Variants in SGSM2 observed in about 807,000 individuals in gnomAD.
SGSM2 encodes small G protein signaling modulator 2, also known as RUN and TBC1 domain containing 1.
SGSM2 carries 89 observed loss-of-function variants against 126.6 expected under a neutral mutation model. The ratio of observed to expected loss-of-function variants is 0.70; its 90% CI spans 0.59 to 0.84. The LOEUF is 0.84. Among genes scored for constraint, SGSM2 ranks in the 40% least tolerant of loss-of-function variants. SGSM2 has a pLI of 0.00. For missense variants in SGSM2, 1,404 were observed against 1,416.6 expected (o/e 0.99, Z 0.14); for synonymous variants, 614 against 574.3 (o/e 1.07, Z -0.99).
At chr17:2,373,574 G>GGACCACTGTGCA in intron 17 of SGSM2, 61 bp downstream of exon 17, 1 of 1,467,620 alleles carries the variant, frequency 6.8e-7, no homozygotes, top group Non-Finnish European at 9.2e-7. Context: ...TTTATGCACA[G>GGACCACTGTGCA]TGGTCCTGAG....
rs889969685 is a variant in SGSM2 at position 2,380,139 on chromosome 17, T to C, written c.*619T>C. ...GGGCCCTGGGTGGGAGCAGCCCACT[T>C]CAGCAGCACTGCCACTGCCTTTGGC... On this transcript the variant is annotated 3_prime_UTR_variant, in exon 24 of 24. Transcript: ENST00000268989. The C allele has an allele frequency of 7.6e-6, 11 of 1,442,532 alleles. No homozygotes were observed. Among genetic ancestry groups the C allele is most frequent in the Middle Eastern group, 2.1e-4 (1 of 4,780 alleles). 89.4% of individuals were successfully genotyped at this position (1,442,532 alleles called of 1,614,324 possible).
Position 2,379,465 on chromosome 17 carries a change from T to A in SGSM2, c.3101T>A (p.Leu1034Gln), listed in dbSNP as rs1156916370. The A allele has an allele frequency of 6.2e-7, 1 of 1,613,650 alleles. No homozygotes were observed. The highest frequency in any genetic ancestry group is 8.5e-7 in the Non-Finnish European group (1 of 1,179,732). ...GAGCATCACGATGCCCAGGAGATCC[T>A]GCGGATTGCCCGGGACCTCGTCCAC... ...RAEHHDAQEI[L>Q]RIARDLVHKV... Residue 1034 changes from leucine to glutamine, a missense_variant, in exon 24 of 24, where the codon CTG becomes CAG. Transcript: ENST00000268989.
chr17:2,337,853 G>A lies in SGSM2; in HGVS notation c.57+108G>A. On this transcript the variant is annotated intron_variant, in intron 1 of 23. Coordinates refer to ENST00000268989, the MANE Select transcript of SGSM2 (RefSeq NM_014853.3). The surrounding 1 kb of genome is among the most constrained non-coding windows in gnomAD (Gnocchi z 5.1). Reference sequence around the variant, plus strand: ...GGCGCGGGCACCCGGGCCGAACCTGGGCCGGGCGGGGCGGGTCCTGGACGG... The same window carrying A: ...GGCGCGGGCACCCGGGCCGAACCTGAGCCGGGCGGGGCGGGTCCTGGACGG... The A allele has an allele frequency of 1.5e-6, 1 of 661,196 alleles. No individual in the cohort carries two copies. Among genetic ancestry groups the A allele is most frequent in the Non-Finnish European group, 2.2e-6 (1 of 459,408 alleles). 41.0% of individuals were successfully genotyped at this position (661,196 alleles called of 1,614,324 possible).
At position 2,367,350 on chromosome 17, in the gene SGSM2, C is replaced by A. The variant is rs780826322; in HGVS notation, c.1368C>A (p.His456Gln). Residue 456 changes from histidine to glutamine, a missense_variant, in exon 12 of 24, where the codon CAC becomes CAA. His to Gln is a conservative substitution (Grantham distance 24, BLOSUM62 0). Transcript: ENST00000268989. The surrounding 1 kb of genome is among the most constrained non-coding windows in gnomAD (Gnocchi z 4.0). ...ATGAGGAAGAGGAGGATAAACTGCA[C>A]GCGATGCTCTCAATGATCTGCTCGC... ...DDDEEEEDKL[H>Q]AMLSMICSRN... 5 of 1,614,192 alleles carry A rather than the reference C, an allele frequency of 3.1e-6. No homozygotes were observed. The highest frequency in any genetic ancestry group is 1.1e-5 in the South Asian group (1 of 91,086).
intron 13 of SGSM2, chr17:2,371,649 T>G: frequency 1.8e-6 from 1 of 544,706 alleles, no homozygotes; most frequent in Non-Finnish European, 3.2e-6. Context: ...TGATGCCACT[T>G]GCTGCCTGCA....
intron 2 of SGSM2, among the ~76,000 whole-genome samples, chr17:2,353,224 C>T (rs969651599): frequency 6.6e-6 from 1 of 152,052 alleles, no homozygotes; most frequent in African/African-American, 2.4e-5. Context: ...CCACATGCGC[C>T]CCCTAGTGGT....
At chr17:2,350,859 C>T (rs1165754610) in intron 2 of SGSM2, among the ~76,000 whole-genome samples, 1 of 152,216 alleles carries the variant, frequency 6.6e-6, no homozygotes, top group Non-Finnish European at 1.5e-5. Context: ...TACTTTTCAT[C>T]ACCCAGCATC....
In SGSM2 at chr17:2,344,656, C is replaced by T. The variant is rs991721732; in HGVS notation, c.133+1036C>T. On this transcript the variant is annotated intron_variant, in intron 2 of 23. Coordinates refer to ENST00000268989, the MANE Select transcript of SGSM2 (RefSeq NM_014853.3). ...TGGGGAGACAGACAGGAAACAAATG[C>T]GCAAGTAAATATGTCATCCAATAAC... Among the ~76,000 whole-genome samples the T allele has an allele frequency of 3.3e-5, 5 of 152,228 alleles. No individual in the cohort carries two copies. In the South Asian group the frequency reaches 6.2e-4, roughly 19 times the overall value.
rs1380034157 is a variant in SGSM2, at chr17:2,358,584, A to C, written c.134-3053A>C. 2.0e-5 allele frequency among the ~76,000 whole-genome samples: 3 copies of C among 152,066 alleles called. No individual in the cohort carries two copies. The East Asian group carries it at 5.8e-4, about 29-fold the overall frequency. Reference sequence around the variant, plus strand: ...AAAATTAGCCAAGCTTAGTGACCCAAGCCTGTAGTCCCAGCTGCTTGAGAG... The same window carrying C: ...AAAATTAGCCAAGCTTAGTGACCCACGCCTGTAGTCCCAGCTGCTTGAGAG... On this transcript the variant is annotated intron_variant, in intron 2 of 23. Coordinates refer to ENST00000268989, the MANE Select transcript of SGSM2 (RefSeq NM_014853.3).
chr17:2,375,563 G>A lies in SGSM2; in HGVS notation c.2172G>A (p.Glu724=). ...CTGAAGATTCCAGACCAAAACCTGA[G>A]CAGGAAGCAGGACCCGGGACTCCGG... The part of the protein sequence containing the change: ...QDPEDSRPKP[E]QEAGPGTPGT... Residue 724 remains glutamate (E), a synonymous_variant, in exon 18 of 24, where the codon GAG becomes GAA. Coordinates refer to ENST00000268989, the MANE Select transcript of SGSM2 (RefSeq NM_014853.3). 6.2e-7 allele frequency: 1 copy of A among 1,613,872 alleles called. No individual in the cohort carries two copies.
In SGSM2 at chr17:2,377,921, G is replaced by A. The variant is rs1157623638; in HGVS notation, c.2867G>A (p.Cys956Tyr). 1 of 1,612,662 alleles carries A rather than the reference G, an allele frequency of 6.2e-7. No homozygotes were observed. Among genetic ancestry groups the A allele is most frequent in the African/African-American group, 1.3e-5 (1 of 74,902 alleles). Reference protein sequence around the residue: ...QNGDYTHFYFCYRWFLLDFKR... With the variant: ...QNGDYTHFYFYYRWFLLDFKR... The stretch of plus-strand genomic sequence containing the variant: ...GGAGACTACACCCACTTCTACTTCT[G>A]TTATCGCTGGTTCCTGCTGGATTTT... Residue 956 changes from cysteine (C) to tyrosine (Y), a missense_variant, in exon 22 of 24, where the codon TGT becomes TAT. Physicochemically the swap from Cys to Tyr is radical, Grantham distance 194 (BLOSUM62 -2). Transcript: ENST00000268989.
In SGSM2 at chr17:2,340,798, A is replaced by T. The variant is rs528100814; in HGVS notation, c.58-2747A>T. Among the ~76,000 whole-genome samples the T allele has an allele frequency of 1.6e-3, 241 of 151,986 alleles. 1 individual carries two copies. Among genetic ancestry groups the T allele is most frequent in the African/African-American group, 5.3e-3 (220 of 41,464 alleles). ...ACGGGGTTTCACCATGTTAGCCAGG[A>T]TGGTCTCGATCTCCTGACCTCGTGA... On this transcript the variant is annotated intron_variant, in intron 1 of 23. Coordinates refer to ENST00000268989, the MANE Select transcript of SGSM2 (RefSeq NM_014853.3).
At chr17:2,364,016 T>C (rs1258872886) in intron 7 of SGSM2, 43 bp from the exon 8 acceptor site, 1 of 1,613,596 alleles carries the variant, frequency 6.2e-7, no homozygotes, top group Non-Finnish European at 8.5e-7. Context: ...CCTGAGAGCC[T>C]CTCAGCCCTT....
chr17:2,343,101 G>A (rs773887987), intron 1 of SGSM2, among the ~76,000 whole-genome samples: 17 of 152,216 alleles, frequency 1.1e-4, no homozygotes, highest in Non-Finnish European at 1.5e-4. Flanking sequence ...TGTAGAGGGT[G>A]TCCCTGAGGT....
chr17:2,348,020 T>C (rs1438283663), intron 2 of SGSM2, among the ~76,000 whole-genome samples: 1 of 152,194 alleles, frequency 6.6e-6, no homozygotes, highest in East Asian at 1.9e-4. Context: ...TGAGGGTTGC[T>C]TCAGACTGAG....
Position 2,373,519 on chromosome 17 carries a change from C to A in SGSM2, c.2100+6C>A, listed in dbSNP as rs2065983359. 1.9e-6 allele frequency: 3 copies of A among 1,594,160 alleles called. No homozygotes were observed. The highest frequency in any genetic ancestry group is 8.5e-7 in the Non-Finnish European group (1 of 1,173,342). Reference sequence around the variant, plus strand: ...ACTCCACCATCAGCAACGATGTGAGCCAGACGGGACCTGGAGGGTTGGGGG... The same window carrying A: ...ACTCCACCATCAGCAACGATGTGAGACAGACGGGACCTGGAGGGTTGGGGG... On this transcript the variant is annotated splice_donor_region_variant and intron_variant, in intron 17 of 23. Transcript: ENST00000268989.
At chr17:2,358,151 G>A (rs1458552533) in intron 2 of SGSM2, among the ~76,000 whole-genome samples, 2 of 152,218 alleles carry the variant, frequency 1.3e-5, no homozygotes, top group African/African-American at 4.8e-5. Flanking sequence ...GAAGGAGTAA[G>A]GGGAGTAAGG....
chr17:2,364,387 G>A, intron 8 of SGSM2: 1 of 852,700 alleles, frequency 1.2e-6, no homozygotes, highest in South Asian at 1.7e-5. Context: ...GTTTGTCTGA[G>A]CCAAGCTCTC....
intron 22 of SGSM2, 79 bp from the exon 23 acceptor site, chr17:2,378,939 TCAGCCCCAGCCTCAATCC>T: frequency 3.2e-6 from 4 of 1,254,178 alleles, no homozygotes; most frequent in East Asian, 3.1e-5. Context: ...AGCCTCAGCC[TCAGCCCCAGCCTCAATCC>T]CAGCCTCAGC....
Sources: gnomAD v4.1 joint callset for allele counts (sites outside exome capture counted in the v4.1 genomes callset) on GRCh38, gnomAD v4.1.1 for gene constraint, Gnocchi (gnomAD v3.1) non-coding constraint, MANE v1.5 for transcripts, NCBI Gene and HGNC (gene_info 2026-07-23, HGNC 2026-07-21) for gene names.